The following NOL4 variants were observed in gnomAD, a reference collection of about 807,000 sequenced individuals.
The protein encoded by NOL4 is cancer/testis antigen 125.
A neutral mutation model predicts 75.9 loss-of-function variants in NOL4; 17 were observed. That is an observed-to-expected ratio of 0.22 (90% CI 0.15 to 0.34). The LOEUF (loss-of-function observed/expected upper bound fraction) is 0.34, where lower values mean the gene tolerates loss of function less well. NOL4 is among the 10% of genes least tolerant of loss of function. The probability of loss-of-function intolerance (pLI) is 1.00; values close to 1 mark genes in which losing one functional copy is unlikely to be tolerated. For missense variants in NOL4, 614 were observed against 793.5 expected (o/e 0.77, Z 2.72); for synonymous variants, 292 against 289.9 (o/e 1.01, Z -0.07).
chr18:34,043,196 A>G (rs2076213492), intron 5 of NOL4, among the ~76,000 whole-genome samples: 1 of 152,088 alleles, frequency 6.6e-6, no homozygotes, highest in Non-Finnish European at 1.5e-5. Flanking sequence ...GCTTTGGCAA[A>G]AGCAGATCCA....
chr18:34,147,018 T>C (rs2081428746), intron 1 of NOL4, among the ~76,000 whole-genome samples: 1 of 152,148 alleles, frequency 6.6e-6, no homozygotes, highest in Admixed American at 6.6e-5. Context: ...GGCTCTCTGT[T>C]TGTCTGTTAT....
At position 34,160,274 on chromosome 18, in the gene NOL4, T is replaced by C. The variant is rs561900420; in HGVS notation, c.265-30254A>G. On this transcript the variant is annotated intron_variant, in intron 1 of 10. Coordinates refer to ENST00000261592, the MANE Select transcript of NOL4 (RefSeq NM_003787.5). ...ATTTTTGAGGGCAGTTTTTCTAAAG[T>C]ATACAAAATGGACCTATCCTCCTCT... is the stretch of plus-strand genomic sequence containing the variant. 3.9e-5 allele frequency among the ~76,000 whole-genome samples: 6 copies of C among 152,292 alleles called. No homozygotes were observed. The East Asian group carries it at 1.2e-3, about 29-fold the overall frequency.
At chr18:33,949,957 TA>T (rs1478219094) in intron 8 of NOL4, among the ~76,000 whole-genome samples, 1 of 151,944 alleles carries the variant, frequency 6.6e-6, no homozygotes, top group Non-Finnish European at 1.5e-5. Context: ...TAATTTTAAC[TA>T]CATGATCCTT....
chr18:34,039,343 C>CT (rs202108842), intron 5 of NOL4, among the ~76,000 whole-genome samples: 5 of 151,004 alleles, frequency 3.3e-5, no homozygotes, highest in Admixed American at 6.6e-5. Context: ...GTCTGGGTGG[C>CT]TTTTTTTTTC....
At chr18:34,108,581 A>C (rs1484141149) in intron 2 of NOL4, among the ~76,000 whole-genome samples, 1 of 152,174 alleles carries the variant, frequency 6.6e-6, no homozygotes, top group African/African-American at 2.4e-5. Context: ...TGCTTGTTAA[A>C]AATTGTCACA....
intron 6 of NOL4, among the ~76,000 whole-genome samples, chr18:33,982,742 A>ATTTTTTTTT (rs953221382): frequency 9.5e-6 from 1 of 104,914 alleles, no homozygotes; most frequent in Non-Finnish European, 1.9e-5. Context: ...AGACAATGGG[A>ATTTTTTTTT]TTTTTTTTTT....
At chr18:34,071,970 C>T (rs1025266866) in intron 5 of NOL4, among the ~76,000 whole-genome samples, 1 of 152,162 alleles carries the variant, frequency 6.6e-6, no homozygotes, top group African/African-American at 2.4e-5. Context: ...CAGTAGCTCA[C>T]GCCTGTAATT....
chr18:34,186,561 T>C (rs2034475238), intron 1 of NOL4, among the ~76,000 whole-genome samples: 1 of 152,214 alleles, frequency 6.6e-6, no homozygotes, highest in African/African-American at 2.4e-5. Context: ...CCAATTGCTC[T>C]CTGCTTTTCG....
chr18:34,157,472 A>G (rs1002358760), intron 1 of NOL4, among the ~76,000 whole-genome samples: 3 of 152,176 alleles, frequency 2.0e-5, no homozygotes, highest in African/African-American at 4.8e-5. Context: ...GGTAAGATAT[A>G]TAGAATTGTC....
intron 6 of NOL4, among the ~76,000 whole-genome samples, chr18:33,990,334 T>C (rs183693354): frequency 5.9e-5 from 9 of 152,186 alleles, no homozygotes; most frequent in Admixed American, 4.6e-4. Flanking sequence ...ATCTTTCACA[T>C]AGGTTACCTC....
intron 5 of NOL4, among the ~76,000 whole-genome samples, chr18:34,026,664 C>T (rs1163337361): frequency 6.6e-6 from 1 of 152,034 alleles, no homozygotes; most frequent in African/African-American, 2.4e-5. Context: ...TGTCTAAAAA[C>T]TTTGATATTA....
intron 1 of NOL4, among the ~76,000 whole-genome samples, chr18:34,159,049 G>A (rs1302575986): frequency 1.3e-5 from 2 of 152,230 alleles, no homozygotes; most frequent in African/African-American, 2.4e-5. Context: ...AGATGCTGGG[G>A]CAAAAGAGAG....
At chr18:34,075,973 T>G (rs2077726830) in intron 5 of NOL4, among the ~76,000 whole-genome samples, 1 of 152,148 alleles carries the variant, frequency 6.6e-6, no homozygotes, top group Non-Finnish European at 1.5e-5. Flanking sequence ...TTTATTTTTT[T>G]GTGGGGGGAG....
intron 1 of NOL4, among the ~76,000 whole-genome samples, chr18:34,164,325 T>A (rs1421440351): frequency 1.3e-5 from 2 of 151,464 alleles, no homozygotes; most frequent in Non-Finnish European, 2.9e-5. Flanking sequence ...TGGGAGAAAA[T>A]TTTCACAACC....
chr18:34,136,772 A>G (rs1430282569), intron 1 of NOL4, among the ~76,000 whole-genome samples: 2 of 152,080 alleles, frequency 1.3e-5, no homozygotes, highest in African/African-American at 4.8e-5. Flanking sequence ...TGAAATCACT[A>G]CCAAAATTCC....
rs58348543 is a variant in NOL4 at position 34,181,720 on chromosome 18, G to GA, written c.264+41269dup. 3.4e-3 allele frequency among the ~76,000 whole-genome samples: 511 copies of GA among 149,800 alleles called. 5 individuals carry two copies. Among genetic ancestry groups the GA allele is most frequent in the African/African-American group, 0.012 (484 of 41,074 alleles). On this transcript the variant is annotated intron_variant, in intron 1 of 10. Transcript: ENST00000261592. ...TAAAGAACTCTTGCAGCTTAACACT[G>GA]AAAAAAAAATTGAAGTGGGCTAAGT...
At chr18:34,057,336 G>C (rs757147400) in intron 5 of NOL4, among the ~76,000 whole-genome samples, 1 of 152,086 alleles carries the variant, frequency 6.6e-6, no homozygotes, top group Non-Finnish European at 1.5e-5. Flanking sequence ...TATTCACCTG[G>C]TGCTCAGATA....
chr18:33,988,552 C>T (rs981559460), intron 6 of NOL4, among the ~76,000 whole-genome samples: 2 of 151,996 alleles, frequency 1.3e-5, no homozygotes, highest in African/African-American at 4.8e-5. Context: ...TCTTTGTGGA[C>T]TCTTGAAACA....
Position 34,159,429 on chromosome 18 carries a change from G to A in NOL4, c.265-29409C>T, listed in dbSNP as rs747040859. ...ACCCGAGCATGAGCTTGGGTCTCTC[G>A]GAGGAGCAGGAGACGCGGGCTCGAA... On this transcript the variant is annotated intron_variant, in intron 1 of 10. Coordinates refer to ENST00000261592, the MANE Select transcript of NOL4 (RefSeq NM_003787.5). Among the ~76,000 whole-genome samples, 4 of 152,266 alleles carry A rather than the reference G, an allele frequency of 2.6e-5. No homozygotes were observed. The South Asian group carries it at 8.3e-4, about 32-fold the overall frequency.
Sources: allele counts gnomAD v4.1 joint callset (sites outside exome capture counted in the v4.1 genomes callset), GRCh38; gene constraint gnomAD v4.1.1; transcripts MANE v1.5; gene names NCBI Gene and HGNC (gene_info 2026-07-23, HGNC 2026-07-21).